Variants in JMJD1C observed in about 807,000 individuals in gnomAD.
JMJD1C encodes the protein jumonji domain-containing protein 1C.
A neutral mutation model predicts 245.3 loss-of-function variants in JMJD1C; 31 were observed. The ratio of observed to expected loss-of-function variants is 0.13; its 90% CI spans 0.09 to 0.17. The LOEUF is 0.17. Ranked by LOEUF, JMJD1C falls within the 10% of genes least tolerant of loss-of-function variation. The pLI, the probability that JMJD1C is intolerant of heterozygous loss-of-function variation, is 1.00. For missense variants in JMJD1C, 2,691 were observed against 3,000.2 expected (o/e 0.90, Z 2.41); for synonymous variants, 1,057 against 1,017.4 (o/e 1.04, Z -0.74).
intron 1 of JMJD1C, among the ~76,000 whole-genome samples, chr10:63,507,941 T>C (rs912688118): frequency 3.9e-5 from 6 of 152,330 alleles, no homozygotes; most frequent in African/African-American, 9.6e-5. Context: ...ACTGTTGACG[T>C]TGAAGAATTA....
intron 2 of JMJD1C, among the ~76,000 whole-genome samples, chr10:63,321,307 G>A (rs1940832019): frequency 6.6e-6 from 1 of 152,246 alleles, no homozygotes; most frequent in Admixed American, 6.5e-5. Context: ...CTGGTCTATA[G>A]CTGATCAGTG....
intron 1 of JMJD1C, among the ~76,000 whole-genome samples, chr10:63,503,626 C>T (rs541618981): frequency 9.2e-5 from 14 of 152,290 alleles, no homozygotes; most frequent in African/African-American, 2.6e-4. Context: ...TTTATTCCTA[C>T]GGGCAAGCCT....
intron 23 of JMJD1C, chr10:63,177,188 T>G (rs1434570463): frequency 1.3e-5 from 2 of 153,784 alleles, no homozygotes; most frequent in Admixed American, 1.3e-4. Context: ...CAACCAATTA[T>G]TTCAGGTTGA....
At chr10:63,279,061 C>A (rs927958990) in intron 2 of JMJD1C, among the ~76,000 whole-genome samples, 6 of 151,924 alleles carry the variant, frequency 3.9e-5, no homozygotes, top group Admixed American at 2.0e-4. Flanking sequence ...ACTAGCCTGG[C>A]CAACATGGTG....
chr10:63,336,838 G>A (rs1942785134), intron 2 of JMJD1C, among the ~76,000 whole-genome samples: 1 of 151,990 alleles, frequency 6.6e-6, no homozygotes, highest in African/African-American at 2.4e-5. Context: ...TTCAACTCTA[G>A]CCCTCTTTTT....
chr10:63,494,364 G>C (rs1441870477), intron 1 of JMJD1C, among the ~76,000 whole-genome samples: 1 of 151,788 alleles, frequency 6.6e-6, no homozygotes, highest in South Asian at 2.1e-4. Flanking sequence ...GAGTTATAAA[G>C]CTTCATTATT....
intron 1 of JMJD1C, among the ~76,000 whole-genome samples, chr10:63,425,164 A>G (rs1950368303): frequency 6.6e-6 from 1 of 152,216 alleles, no homozygotes; most frequent in African/African-American, 2.4e-5. Context: ...GAAGTAAAAT[A>G]TAGGTATAAA....
intron 2 of JMJD1C, among the ~76,000 whole-genome samples, chr10:63,378,509 G>A (rs36022515): frequency 0.011 from 1,723 of 151,994 alleles, 18 homozygotes; most frequent in African/African-American, 0.018. Flanking sequence ...GGAGAACTGC[G>A]TGAACCCGGG....
At chr10:63,422,719 T>C (rs1184865051) in intron 1 of JMJD1C, among the ~76,000 whole-genome samples, 2 of 152,170 alleles carry the variant, frequency 1.3e-5, no homozygotes, top group East Asian at 1.9e-4. Flanking sequence ...CAAAAATAAA[T>C]AGTGGAACTT....
intron 1 of JMJD1C, among the ~76,000 whole-genome samples, chr10:63,463,230 T>A (rs1952922083): frequency 6.6e-6 from 1 of 152,132 alleles, no homozygotes; most frequent in South Asian, 2.1e-4. Context: ...AGTGGCATAA[T>A]CTTGGCTCAC....
chr10:63,280,471 A>C (rs1449828537), intron 2 of JMJD1C, among the ~76,000 whole-genome samples: 1 of 151,954 alleles, frequency 6.6e-6, no homozygotes, highest in Non-Finnish European at 1.5e-5. Flanking sequence ...AATAGCTTGA[A>C]CCCAGGAAGC....
chr10:63,247,719 C>CAAAAAAAAAAAAAAAA (rs71025135), intron 3 of JMJD1C, among the ~76,000 whole-genome samples: 2 of 105,472 alleles, frequency 1.9e-5, no homozygotes, highest in African/African-American at 3.6e-5. Flanking sequence ...GTGACAGAGC[C>CAAAAAAAAAAAAAAAA]AAAAAAAAAA....
At chr10:63,381,971 G>A (rs1013458861) in intron 1 of JMJD1C, among the ~76,000 whole-genome samples, 9 of 152,142 alleles carry the variant, frequency 5.9e-5, no homozygotes, top group African/African-American at 1.9e-4. Flanking sequence ...CAGCACTTTG[G>A]GAAGCTAAGG....
intron 1 of JMJD1C, among the ~76,000 whole-genome samples, chr10:63,462,704 C>T (rs752499452): frequency 2.3e-4 from 35 of 151,984 alleles, no homozygotes; most frequent in Non-Finnish European, 4.0e-4. Flanking sequence ...GGGCCATGAG[C>T]CAAGGAATGT....
At chr10:63,248,686 A>G (rs1386198155) in intron 3 of JMJD1C, among the ~76,000 whole-genome samples, 1 of 152,284 alleles carries the variant, frequency 6.6e-6, no homozygotes, top group Middle Eastern at 3.4e-3. Context: ...TTCTCAGAAA[A>G]CTAAAAATAT....
chr10:63,227,061 C>A (rs549911858), intron 3 of JMJD1C, among the ~76,000 whole-genome samples: 36 of 152,092 alleles, frequency 2.4e-4, no homozygotes, highest in African/African-American at 7.0e-4. Flanking sequence ...GAGTGAGACT[C>A]TCAAAGAAAA....
At chr10:63,506,290 G>A (rs370009433) in intron 1 of JMJD1C, among the ~76,000 whole-genome samples, 81 of 152,330 alleles carry the variant, frequency 5.3e-4, no homozygotes, top group African/African-American at 1.9e-3. Flanking sequence ...TTTAGAGTTT[G>A]ACCAGTGAGA....
chr10:63,406,525 G>C (rs953363320), intron 1 of JMJD1C, among the ~76,000 whole-genome samples: 12 of 151,790 alleles, frequency 7.9e-5, no homozygotes, highest in African/African-American at 2.7e-4. Flanking sequence ...AAAGAAAAAA[G>C]GCTACACCAA....
At chr10:63,435,008 A>G (rs1344220295) in intron 1 of JMJD1C, among the ~76,000 whole-genome samples, 1 of 152,240 alleles carries the variant, frequency 6.6e-6, no homozygotes, top group African/African-American at 2.4e-5. Flanking sequence ...TAGAACACCA[A>G]TTAAAATCTC....
Sources: allele counts gnomAD v4.1 joint callset (sites outside exome capture counted in the v4.1 genomes callset), GRCh38; gene constraint gnomAD v4.1.1; transcripts MANE v1.5; gene names NCBI Gene and HGNC (gene_info 2026-07-23, HGNC 2026-07-21).